ADGRE3: variants seen among roughly 807,000 people sequenced by gnomAD.
The protein encoded by ADGRE3 is adhesion G protein-coupled receptor E3, also known as EGF-like module receptor 3.
In ADGRE3, 88 loss-of-function variants were observed where a neutral mutation model predicts 80.1. The ratio of observed to expected loss-of-function variants is 1.10; its 90% CI spans 0.93 to 1.31. The LOEUF (loss-of-function observed/expected upper bound fraction) is 1.31, where lower values mean the gene tolerates loss of function less well. ADGRE3 is among the 40% of genes most tolerant of loss of function. ADGRE3 has a pLI of 0.00. For synonymous variants in ADGRE3, 281 were observed against 294.8 expected, an observed-to-expected ratio of 0.95 and a Z score of 0.48; for missense variants, 715 against 776.5, an observed-to-expected ratio of 0.92 and a Z score of 0.94.
intron 7 of ADGRE3, among the ~76,000 whole-genome samples, chr19:14,648,973 T>C (rs1181787637): frequency 7.6e-6 from 1 of 132,156 alleles, no homozygotes; most frequent in Non-Finnish European, 1.6e-5. Context: ...CTCTCCCCCA[T>C]TTCTCTCTCC....
chr19:14,645,591 G>A (rs1229003069), intron 8 of ADGRE3, among the ~76,000 whole-genome samples: 2 of 151,926 alleles, frequency 1.3e-5, no homozygotes, highest in Non-Finnish European at 2.9e-5. Flanking sequence ...CCTGGGAGGC[G>A]GAGGTTGCAG....
chr19:14,613,398 T>TA, the ADGRE3 span, among the ~76,000 whole-genome samples: 1 of 151,340 alleles, frequency 6.6e-6, no homozygotes, highest in South Asian at 2.1e-4. Context: ...AATTTTAATT[T>TA]TTTTTTTTTT....
At chr19:14,667,856 A>G (rs1313603283) in intron 2 of ADGRE3, among the ~76,000 whole-genome samples, 1 of 152,204 alleles carries the variant, frequency 6.6e-6, no homozygotes, top group Admixed American at 6.5e-5. Context: ...GATCTTAGCC[A>G]TTACTAGGTG....
intron 4 of ADGRE3, among the ~76,000 whole-genome samples, chr19:14,660,421 G>A (rs975142795): frequency 1.3e-5 from 2 of 152,076 alleles, no homozygotes; most frequent in Non-Finnish European, 2.9e-5. Context: ...GAGACCAGGA[G>A]TTTGAGATCA....
chr19:14,614,538 A>T (rs115425683), downstream of ADGRE3, among the ~76,000 whole-genome samples: 1,176 of 151,816 alleles, frequency 7.7e-3, 15 homozygotes, highest in African/African-American at 0.028. Flanking sequence ...TTGAATCTTC[A>T]CCATGACTTT....
downstream of ADGRE3, among the ~76,000 whole-genome samples, chr19:14,615,966 C>T (rs2075072952): frequency 7.1e-6 from 1 of 141,398 alleles, no homozygotes; most frequent in Non-Finnish European, 1.5e-5. Context: ...CTCTGCCTTA[C>T]TTTTTTTTTT....
At chr19:14,657,905 AG>A (rs1971816267) in intron 5 of ADGRE3, among the ~76,000 whole-genome samples, 1 of 152,022 alleles carries the variant, frequency 6.6e-6, no homozygotes, top group Admixed American at 6.6e-5. Flanking sequence ...CTGGGATTGC[AG>A]GCATGTGCCA....
At chr19:14,615,418 A>G (rs1036397208), downstream of ADGRE3, among the ~76,000 whole-genome samples, 9 of 151,944 alleles carry the variant, frequency 5.9e-5, no homozygotes, top group African/African-American at 2.2e-4. Context: ...CTGCTCAACT[A>G]ACACATTTTT....
At chr19:14,606,627 C>T in the ADGRE3 span, among the ~76,000 whole-genome samples, 1 of 150,312 alleles carries the variant, frequency 6.7e-6, no homozygotes, top group Non-Finnish European at 1.5e-5. Flanking sequence ...CTGCAGTGAG[C>T]TGAGATCGCA....
In ADGRE3 at chr19:14,658,425, C is replaced by T. The variant is rs959008375; in HGVS notation, c.393+88G>A. 6 of 854,054 alleles carry T rather than the reference C, an allele frequency of 7.0e-6. No individual in the cohort carries two copies. The African/African-American group carries it at 8.9e-5, about 13-fold the overall frequency. 52.9% of individuals were successfully genotyped at this position (854,054 alleles called of 1,614,324 possible). A position where few individuals can be genotyped will look rare whatever the true frequency, so the allele number is the denominator to read the frequency against. On this transcript the variant is annotated intron_variant, in intron 5 of 15. Coordinates refer to ENST00000253673, the MANE Select transcript of ADGRE3 (RefSeq NM_032571.5). ...TATAATATATATTTTGCCCTAAATC[C>T]ATCCCCATTTGCTCACTTTGGGCTT...
At chr19:14,655,362 G>A (rs964790220) in intron 5 of ADGRE3, among the ~76,000 whole-genome samples, 197 bp from the exon 6 acceptor site, 10 of 152,140 alleles carry the variant, frequency 6.6e-5, no homozygotes, top group Admixed American at 2.6e-4. Context: ...ACAGGAAAAG[G>A]AACTCAAAGG....
chr19:14,638,058 G>A (rs190188025), intron 11 of ADGRE3, 47 bp downstream of exon 11: 4 of 1,417,658 alleles, frequency 2.8e-6, no homozygotes, highest in Admixed American at 3.4e-5. Context: ...GCCCTCAAAA[G>A]CTTTCTTAGG....
intron 12 of ADGRE3, 54 bp from the exon 13 acceptor site, chr19:14,633,066 C>T: frequency 6.9e-7 from 1 of 1,446,334 alleles, no homozygotes; most frequent in South Asian, 1.2e-5. Flanking sequence ...TGTATGGTGT[C>T]CACTTTAAAT....
the ADGRE3 span, among the ~76,000 whole-genome samples, chr19:14,607,827 T>C: frequency 3.9e-5 from 6 of 151,912 alleles, no homozygotes; most frequent in Non-Finnish European, 7.4e-5. Flanking sequence ...CTGCCCACCT[T>C]GGCCTCCCAA....
chr19:14,654,972 A>G lies in ADGRE3; in HGVS notation c.577+10T>C, dbSNP rs1971712702. The stretch of plus-strand genomic sequence containing the variant: ...TCCCCAGGGTGTATCAGTCCTCATT[A>G]TTGTCTTACCTACACTATCGTTTTG... On this transcript the variant is annotated intron_variant, in intron 6 of 15. Transcript: ENST00000253673. The G allele has an allele frequency of 2.5e-6, 4 of 1,611,746 alleles. No homozygotes were observed. The highest frequency in any genetic ancestry group is 1.3e-5 in the African/African-American group (1 of 74,770).
chr19:14,615,820 T>G (rs1028696483), downstream of ADGRE3, among the ~76,000 whole-genome samples: 1 of 151,558 alleles, frequency 6.6e-6, no homozygotes, highest in Admixed American at 6.6e-5. Flanking sequence ...AGTGCAGTGG[T>G]GCAATCATAG....
At chr19:14,607,976 T>C in the ADGRE3 span, among the ~76,000 whole-genome samples, 49 of 152,134 alleles carry the variant, frequency 3.2e-4, no homozygotes. Flanking sequence ...GCTCTGGTAA[T>C]CCTCCTGCCT....
chr19:14,607,028 G>A, the ADGRE3 span: 7 of 1,327,860 alleles, frequency 5.3e-6, no homozygotes, highest in Admixed American at 6.5e-5. Flanking sequence ...CTCCACGGGT[G>A]TACTGGCTGG....
chr19:14,610,318 T>C, the ADGRE3 span: 1 of 1,376,624 alleles, frequency 7.3e-7, no homozygotes. Flanking sequence ...CAAACAGGAT[T>C]GGCACCCTGG....
Sources: allele counts gnomAD v4.1 joint callset (sites outside exome capture counted in the v4.1 genomes callset), GRCh38; gene constraint gnomAD v4.1.1; transcripts MANE v1.5; gene names NCBI Gene and HGNC (gene_info 2026-07-23, HGNC 2026-07-21).